The following KIF6 variants were observed in gnomAD, a reference collection of about 807,000 sequenced individuals.
KIF6 encodes kinesin-like protein KIF6.
Under a neutral mutation model 112.7 loss-of-function variants are expected in KIF6, and 106 were observed. The observed-to-expected ratio is 0.94, with a 90% CI of 0.80 to 1.11. The LOEUF (loss-of-function observed/expected upper bound fraction) is 1.11. Among genes scored for constraint, KIF6 ranks in the 50% least tolerant of loss-of-function variants. The pLI is 0.00. For missense variants in KIF6, 929 were observed against 964.0 expected (o/e 0.96, Z 0.48); for synonymous variants, 339 against 339.9 (o/e 1.00, Z 0.03).
chr6:39,614,824 CT>C (rs1783414149), intron 5 of KIF6, among the ~76,000 whole-genome samples: 1 of 152,088 alleles, frequency 6.6e-6, no homozygotes, highest in Admixed American at 6.6e-5. Flanking sequence ...TAAAAACTCC[CT>C]TTATTCCTTA....
chr6:39,603,433 T>TA (rs1782690565), intron 6 of KIF6, among the ~76,000 whole-genome samples: 1 of 152,028 alleles, frequency 6.6e-6, no homozygotes, highest in Non-Finnish European at 1.5e-5. Context: ...TTTCATATGG[T>TA]AAAAAACCTC....
intron 3 of KIF6, among the ~76,000 whole-genome samples, chr6:39,712,966 T>A (rs1038231535): frequency 6.6e-6 from 1 of 152,072 alleles, no homozygotes; most frequent in Non-Finnish European, 1.5e-5. Flanking sequence ...ATTTAAAAAA[T>A]GTCAGATGGT....
intron 6 of KIF6, among the ~76,000 whole-genome samples, chr6:39,601,942 G>C (rs1000483861): frequency 3.3e-5 from 5 of 152,060 alleles, no homozygotes; most frequent in Non-Finnish European, 7.4e-5. Context: ...TCTCCACCCG[G>C]TTAGGTAACT....
chr6:39,337,935 C>A (rs1763121364), intron 22 of KIF6, among the ~76,000 whole-genome samples: 1 of 152,170 alleles, frequency 6.6e-6, no homozygotes, highest in African/African-American at 2.4e-5. Context: ...GTCCATGGAC[C>A]AGCAGTGCTG....
rs9380884 is a variant in KIF6, at chr6:39,583,442, C to T, written c.1077+1456G>A. On this transcript the variant is annotated intron_variant, in intron 9 of 22. Coordinates refer to ENST00000287152, the MANE Select transcript of KIF6 (RefSeq NM_145027.6). ...CAGATCCTGCCTCACTCATTGGTTT[C>T]TGCAGAAGAGAACTCCATCAGAGGA... 13 of 471,632 alleles carry T rather than the reference C, an allele frequency of 2.8e-5. No individual in the cohort carries two copies. The East Asian group carries it at 9.0e-4, about 33-fold the overall frequency. The allele number at this position is 471,632 out of a possible 1,614,324, so 29.2% of individuals were successfully genotyped here. A position where few individuals can be genotyped will look rare whatever the true frequency, so the allele number is the denominator to read the frequency against.
chr6:39,533,340 C>T (rs1165410422), intron 13 of KIF6, among the ~76,000 whole-genome samples: 4 of 152,228 alleles, frequency 2.6e-5, no homozygotes, highest in African/African-American at 4.8e-5. Context: ...GCTTAAAAAA[C>T]GGTGCACCAG....
In KIF6 at chr6:39,550,466, A is replaced by G. The variant is rs1779306725; in HGVS notation, c.1182-4778T>C. ...CAGAAGCATGCAGCAGCACAGTATTATTCTAGAGAATTTACTATAAACAAG... is the reference window on the plus strand; with the variant it reads ...CAGAAGCATGCAGCAGCACAGTATTGTTCTAGAGAATTTACTATAAACAAG... On this transcript the variant is annotated intron_variant, in intron 10 of 22. Coordinates refer to ENST00000287152, the MANE Select transcript of KIF6 (RefSeq NM_145027.6). Among the ~76,000 whole-genome samples, 4 of 152,200 alleles carry G rather than the reference A, an allele frequency of 2.6e-5. No individual in the cohort carries two copies. In the South Asian group the frequency reaches 8.3e-4, roughly 32 times the overall value.
intron 3 of KIF6, among the ~76,000 whole-genome samples, chr6:39,698,209 G>A (rs933793658): frequency 6.6e-6 from 1 of 152,094 alleles, no homozygotes; most frequent in Non-Finnish European, 1.5e-5. Context: ...AGATTTTCAT[G>A]TACTGATAGA....
intron 13 of KIF6, among the ~76,000 whole-genome samples, chr6:39,469,413 G>A (rs1773988784): frequency 6.6e-6 from 1 of 152,004 alleles, no homozygotes; most frequent in East Asian, 1.9e-4. Context: ...TTAACTGTAT[G>A]CTATAAAAGA....
chr6:39,518,748 C>T (rs956614252), intron 13 of KIF6, among the ~76,000 whole-genome samples: 4 of 152,180 alleles, frequency 2.6e-5, no homozygotes, highest in African/African-American at 9.6e-5. Context: ...TGATCACTGT[C>T]TGACACTCGT....
intron 13 of KIF6, among the ~76,000 whole-genome samples, chr6:39,437,166 G>T (rs1771585520): frequency 6.6e-6 from 1 of 151,948 alleles, no homozygotes; most frequent in African/African-American, 2.4e-5. Flanking sequence ...TTGAGTCTCA[G>T]CTTGGTCCTT....
chr6:39,398,712 T>A (rs1203274229), intron 15 of KIF6, among the ~76,000 whole-genome samples: 3 of 152,220 alleles, frequency 2.0e-5, no homozygotes, highest in Non-Finnish European at 4.4e-5. Context: ...ACAGATCGGG[T>A]GCTTCTTTAG....
Position 39,538,133 on chromosome 6 carries a change from T to A in KIF6, c.1645+1870A>T, listed in dbSNP as rs1778554044. 2.6e-5 allele frequency among the ~76,000 whole-genome samples: 4 copies of A among 152,040 alleles called. No homozygotes were observed. In the South Asian group the frequency reaches 6.2e-4, roughly 24 times the overall value. On this transcript the variant is annotated intron_variant, in intron 13 of 22. Transcript: ENST00000287152. ...AAAACCCTAGAAGAAAACCTAGGCA[T>A]TACCATTCAGGACACAGGCATGGGC...
intron 3 of KIF6, among the ~76,000 whole-genome samples, chr6:39,649,854 GA>G (rs1209227362): frequency 6.6e-6 from 1 of 152,190 alleles, no homozygotes; most frequent in African/African-American, 2.4e-5. Context: ...AACCACCCAA[GA>G]AACCAAATGG....
intron 5 of KIF6, among the ~76,000 whole-genome samples, chr6:39,619,329 G>A (rs961851793): frequency 3.3e-5 from 5 of 151,874 alleles, no homozygotes; most frequent in Non-Finnish European, 7.4e-5. Context: ...AATGTTAATA[G>A]ACTTGGACTC....
At chr6:39,411,688 C>A (rs1253359269) in intron 15 of KIF6, among the ~76,000 whole-genome samples, 1 of 152,188 alleles carries the variant, frequency 6.6e-6, no homozygotes, top group Non-Finnish European at 1.5e-5. Flanking sequence ...TGGACCAAGG[C>A]CTATCATTGT....
In KIF6 at chr6:39,341,148, C is replaced by G. The variant is rs528762484; in HGVS notation, c.2428+2561G>C. ...TTCTCTGCTCCTGTCACTGCTCAAC[C>G]CCCTGGAGGGGTTGTATCTGCTCAC... is the stretch of plus-strand genomic sequence containing the variant. On this transcript the variant is annotated intron_variant, in intron 22 of 22. Coordinates refer to ENST00000287152, the MANE Select transcript of KIF6 (RefSeq NM_145027.6). Among the ~76,000 whole-genome samples the G allele has an allele frequency of 3.3e-5, 5 of 152,228 alleles. No individual in the cohort carries two copies. In the South Asian group the frequency reaches 1.0e-3, roughly 32 times the overall value.
chr6:39,442,839 C>T (rs1037740369), intron 13 of KIF6, among the ~76,000 whole-genome samples: 4 of 151,906 alleles, frequency 2.6e-5, no homozygotes, highest in East Asian at 2.0e-4. Context: ...ATCGGCTGGG[C>T]GCGATGGCTC....
chr6:39,538,822 G>A (rs1337300284), intron 13 of KIF6, among the ~76,000 whole-genome samples: 2 of 148,648 alleles, frequency 1.3e-5, no homozygotes. Flanking sequence ...CAACCCAAAT[G>A]TCCAACAATG....
Sources: allele counts gnomAD v4.1 joint callset (sites outside exome capture counted in the v4.1 genomes callset), GRCh38; gene constraint gnomAD v4.1.1; transcripts MANE v1.5; gene names NCBI Gene and HGNC (gene_info 2026-07-23, HGNC 2026-07-21).